The following CAPRIN2 variants were observed in gnomAD, a reference collection of about 807,000 sequenced individuals.
The protein encoded by CAPRIN2 is caprin-2.
A neutral mutation model predicts 130.4 loss-of-function variants in CAPRIN2; 66 were observed. That is an observed-to-expected ratio of 0.51 (90% CI 0.42 to 0.62). The LOEUF (loss-of-function observed/expected upper bound fraction) is 0.62. Ranked by LOEUF, CAPRIN2 falls within the 20% of genes least tolerant of loss-of-function variation. The pLI is 0.00. For missense variants in CAPRIN2, 1,185 were observed against 1,246.6 expected, an observed-to-expected ratio of 0.95 and a Z score of 0.74; for synonymous variants, 471 against 444.1, an observed-to-expected ratio of 1.06 and a Z score of -0.76.
chr12:30,723,348 G>A (rs1402687861), intron 10 of CAPRIN2, 34 bp from the exon 12 acceptor site: 1 of 1,502,194 alleles, frequency 6.7e-7, no homozygotes, highest in African/African-American at 1.4e-5. Context: ...AACTACTGAG[G>A]GAAGACAAAA....
At chr12:30,734,860 AC>A in intron 4 of CAPRIN2, 107 bp downstream of exon 5, 1 of 554,072 alleles carries the variant, frequency 1.8e-6, no homozygotes, top group East Asian at 2.7e-5. Context: ...ACACACACAC[AC>A]ACACACACAC....
intron 1 of CAPRIN2, 31 bp downstream of exon 2, chr12:30,753,313 G>C: frequency 6.5e-7 from 1 of 1,532,672 alleles, no homozygotes; most frequent in Non-Finnish European, 8.9e-7. Context: ...TTAAGATCAT[G>C]CATCTACAGG....
intron 8 of CAPRIN2, 85 bp from the exon 10 acceptor site, chr12:30,726,173 G>T: frequency 8.5e-7 from 1 of 1,172,310 alleles, no homozygotes; most frequent in Non-Finnish European, 1.1e-6. Flanking sequence ...ACATCTTAAA[G>T]GAAAAGAAAA....
At chr12:30,743,698 C>T (rs1162784806) in intron 2 of CAPRIN2, among the ~76,000 whole-genome samples, 2 of 152,166 alleles carry the variant, frequency 1.3e-5, no homozygotes, top group African/African-American at 4.8e-5. Context: ...ATTTAAATGA[C>T]TGCATATGTA....
exon 14 of CAPRIN2, chr12:30,715,099 C>T (rs879158654): frequency 6.2e-7 from 1 of 1,614,052 alleles, no homozygotes; most frequent in Non-Finnish European, 8.5e-7. Flanking sequence ...AAAGGCAAGG[C>T]TACCATTGCT....
chr12:30,741,304 A>T (rs549991664), intron 2 of CAPRIN2, among the ~76,000 whole-genome samples, 198 bp from the exon 4 acceptor site: 117 of 152,260 alleles, frequency 7.7e-4, no homozygotes, highest in African/African-American at 2.7e-3. Flanking sequence ...TAAAAATTCA[A>T]TTCTAATGCC....
At chr12:30,720,885 T>G (rs765124823) in exon 12 of CAPRIN2, 2 of 1,613,456 alleles carry the variant, frequency 1.2e-6, no homozygotes, top group African/African-American at 1.3e-5. Context: ...AAGCAAGCAT[T>G]TGAGCTACAA....
exon 11 of CAPRIN2, chr12:30,723,269 T>A (rs748689164): frequency 6.2e-7 from 1 of 1,611,022 alleles, no homozygotes; most frequent in South Asian, 1.1e-5. Flanking sequence ...CTGTAACGGC[T>A]CTTGAAGAAA....
At chr12:30,751,881 CATA>C in intron 1 of CAPRIN2, among the ~76,000 whole-genome samples, 1 of 148,636 alleles carries the variant, frequency 6.7e-6, no homozygotes, top group South Asian at 2.1e-4. Context: ...TTGTTGGCCC[CATA>C]ATAATGACAT....
intron 2 of CAPRIN2, 139 bp from the exon 4 acceptor site, chr12:30,741,245 TAATGAAA>T (rs2067303314): frequency 8.9e-6 from 4 of 447,578 alleles, no homozygotes; most frequent in Non-Finnish European, 1.6e-5. Context: ...AGTACTTGCC[TAATGAAA>T]AAGGAGAAAG....
intron 7 of CAPRIN2, 55 bp downstream of exon 8, chr12:30,730,184 C>T (rs565336616): frequency 1.3e-4 from 176 of 1,398,592 alleles, no homozygotes; most frequent in Middle Eastern, 7.1e-4. Context: ...CCAACCATAA[C>T]CCTATGCAAA....
chr12:30,716,352 AT>A, intron 13 of CAPRIN2, 155 bp downstream of exon 15: 2 of 631,394 alleles, frequency 3.2e-6, no homozygotes, highest in Non-Finnish European at 5.4e-6. Flanking sequence ...AAAAAAGGGC[AT>A]TAGGTTTTTC....
intron 6 of CAPRIN2, 60 bp from the exon 8 acceptor site, chr12:30,730,342 T>C (rs2062231627): frequency 8.7e-7 from 1 of 1,153,596 alleles, no homozygotes; most frequent in South Asian, 1.3e-5. Flanking sequence ...TTAGACAGAT[T>C]ACAACTATAA....
At chr12:30,750,935 T>C (rs2073489674) in intron 2 of CAPRIN2, 136 bp downstream of exon 3, 1 of 686,744 alleles carries the variant, frequency 1.5e-6, no homozygotes, top group Non-Finnish European at 2.5e-6. Context: ...AACAAAGTCT[T>C]CTGAAACAGT....
At chr12:30,736,615 C>A (rs2064938503) in intron 3 of CAPRIN2, among the ~76,000 whole-genome samples, 1 of 152,080 alleles carries the variant, frequency 6.6e-6, no homozygotes, top group Admixed American at 6.5e-5. Flanking sequence ...CTGCTAGGGA[C>A]AGAAAGATAG....
intron 13 of CAPRIN2, chr12:30,716,297 A>G: frequency 2.1e-6 from 1 of 477,040 alleles, no homozygotes; most frequent in Non-Finnish European, 3.7e-6. Context: ...CCGTCATCTA[A>G]GTTCTATCTC....
chr12:30,729,309 T>C (rs1435523859), exon 8 of CAPRIN2: 2 of 1,560,304 alleles, frequency 1.3e-6, no homozygotes, highest in African/African-American at 1.4e-5. Flanking sequence ...TTCTGTCATA[T>C]AGCGTCTGTT....
At chr12:30,715,761 G>T (rs987287487) in intron 13 of CAPRIN2, 1 of 196,238 alleles carries the variant, frequency 5.1e-6, no homozygotes, top group African/African-American at 2.4e-5. Flanking sequence ...TAATATCTGA[G>T]AAGGCACCTG....
At chr12:30,740,492 T>C (rs1356820074) in intron 3 of CAPRIN2, among the ~76,000 whole-genome samples, 1 of 152,150 alleles carries the variant, frequency 6.6e-6, no homozygotes, top group Non-Finnish European at 1.5e-5. Flanking sequence ...ATTAAATTTG[T>C]CAGAGATAAA....
Sources: allele counts gnomAD v4.1 joint callset (sites outside exome capture counted in the v4.1 genomes callset), GRCh38; gene constraint gnomAD v4.1.1; transcripts MANE v1.5; gene names NCBI Gene and HGNC (gene_info 2026-07-23, HGNC 2026-07-21).